The following RASGRF1 variants were observed in gnomAD, a reference collection of about 807,000 sequenced individuals.
RASGRF1 encodes the protein ras-specific guanine nucleotide-releasing factor 1.
RASGRF1 carries 40 observed loss-of-function variants against 138.7 expected under a neutral mutation model. The ratio of observed to expected loss-of-function variants is 0.29; its 90% CI spans 0.22 to 0.38. RASGRF1 has a LOEUF of 0.38. Among genes scored for constraint, RASGRF1 ranks in the 10% least tolerant of loss-of-function variants. The pLI is 1.00. For synonymous variants in RASGRF1, 614 were observed against 663.2 expected, an observed-to-expected ratio of 0.93 and a Z score of 1.14; for missense variants, 1,108 against 1,650.4, an observed-to-expected ratio of 0.67 and a Z score of 5.69.
In RASGRF1 at chr15:78,998,414, T is replaced by G. The variant is rs552536167; in HGVS notation, c.2854-206A>C. On this transcript the variant is annotated intron_variant, in intron 18 of 26. Transcript: ENST00000558480. ...CTTAGATAAAGGCACTGGAACCAGA[T>G]CAAAGCCCATCTTTCAGCTGGCTGC... 1.7e-4 allele frequency: 107 copies of G among 622,660 alleles called. 1 individual carries two copies. Among genetic ancestry groups the G allele is most frequent in the Admixed American group, 1.0e-3 (35 of 34,318 alleles). 38.6% of individuals were successfully genotyped at this position (622,660 alleles called of 1,614,324 possible). A position where few individuals can be genotyped will look rare whatever the true frequency, so the allele number is the denominator to read the frequency against.
At chr15:79,084,213 G>C (rs1295684217) in intron 1 of RASGRF1, among the ~76,000 whole-genome samples, 1 of 152,242 alleles carries the variant, frequency 6.6e-6, no homozygotes, top group Non-Finnish European at 1.5e-5. Flanking sequence ...CCCAGTGGGA[G>C]AGAAGGTTCA....
intron 10 of RASGRF1, among the ~76,000 whole-genome samples, chr15:79,023,292 T>C (rs1235178203): frequency 6.6e-6 from 1 of 152,140 alleles, no homozygotes; most frequent in Admixed American, 6.5e-5. Context: ...GCTTCCTAAT[T>C]GACAGCAAAT....
chr15:79,078,537 G>A (rs1566970551), intron 1 of RASGRF1, among the ~76,000 whole-genome samples: 1 of 152,132 alleles, frequency 6.6e-6, no homozygotes, highest in East Asian at 1.9e-4. Context: ...GCAGTCCACG[G>A]AGCAGGAAGT....
chr15:78,995,657 G>A, intron 20 of RASGRF1, 83 bp downstream of exon 20: 1 of 1,471,646 alleles, frequency 6.8e-7, no homozygotes, highest in Non-Finnish European at 9.5e-7. Flanking sequence ...ATGAATACGG[G>A]TGATGCCTGT....
rs2055912491 is a variant in RASGRF1 at position 78,978,195 on chromosome 15, C to A, written c.3494+2425G>T. On this transcript the variant is annotated intron_variant, in intron 24 of 26. Transcript: ENST00000558480. ...TGCTGGCAGAAATTGGATATTTTTT[C>A]TTCTTTTTCTTTTTCTTTTCTTTTG... 2.8e-5 allele frequency among the ~76,000 whole-genome samples: 4 copies of A among 143,734 alleles called. No individual in the cohort carries two copies. The South Asian group carries it at 8.6e-4, about 31-fold the overall frequency. 94.3% of individuals were successfully genotyped at this position (143,734 alleles called of 152,430 possible).
intron 20 of RASGRF1, among the ~76,000 whole-genome samples, chr15:78,992,049 C>T (rs893647682): frequency 6.6e-6 from 1 of 152,200 alleles, no homozygotes; most frequent in Non-Finnish European, 1.5e-5. Flanking sequence ...CCCTCACCCA[C>T]CCTGCCAGGG....
In RASGRF1 at chr15:79,046,281, T is replaced by C. The variant is rs912988581; in HGVS notation, c.878+465A>G. Among the ~76,000 whole-genome samples the C allele has an allele frequency of 1.3e-5, 2 of 152,256 alleles. No homozygotes were observed. Among genetic ancestry groups the C allele is most frequent in the Non-Finnish European group, 2.9e-5 (2 of 68,048 alleles). ...GGTACTTTAGTTTACGTTTTGTAGC[T>C]TGATTTATAACTCTTAAACATTTAA... On this transcript the variant is annotated intron_variant, in intron 5 of 26. Coordinates refer to ENST00000558480, the MANE Select transcript of RASGRF1 (RefSeq NM_001145648.3). The surrounding 1 kb of genome is among the most constrained non-coding windows in gnomAD (Gnocchi z 5.3).
intron 24 of RASGRF1, among the ~76,000 whole-genome samples, chr15:78,974,602 G>A (rs1252804205): frequency 6.6e-6 from 1 of 152,210 alleles, no homozygotes; most frequent in Non-Finnish European, 1.5e-5. Flanking sequence ...ATGAATTCAC[G>A]TGGTAAGAAA....
At chr15:79,071,526 ATT>A (rs60329515) in intron 1 of RASGRF1, among the ~76,000 whole-genome samples, 7 of 141,244 alleles carry the variant, frequency 5.0e-5, no homozygotes, top group South Asian at 2.3e-4. Context: ...TGCCCGGCTA[ATT>A]TTTTTTTTTT....
At chr15:78,980,501 AGACAGAC>A in intron 24 of RASGRF1, 112 bp downstream of exon 24, 1 of 718,740 alleles carries the variant, frequency 1.4e-6, no homozygotes, top group Non-Finnish European at 2.3e-6. Context: ...TCTTGTGGGT[AGACAGAC>A]GAACAGACAG....
At chr15:79,037,752 C>T in intron 5 of RASGRF1, among the ~76,000 whole-genome samples, 1 of 152,116 alleles carries the variant, frequency 6.6e-6, no homozygotes, top group Non-Finnish European at 1.5e-5. Context: ...AGCCACCATG[C>T]CTGGCCTATT....
At chr15:79,039,562 A>G (rs1429637657) in intron 5 of RASGRF1, among the ~76,000 whole-genome samples, 2 of 152,140 alleles carry the variant, frequency 1.3e-5, no homozygotes, top group Admixed American at 1.3e-4. Context: ...TTTGATTGGT[A>G]TTACATTAAA....
At chr15:78,974,771 C>CAGAGTATTTGGCTCAGAATCAG (rs1334884434) in intron 24 of RASGRF1, among the ~76,000 whole-genome samples, 1 of 152,194 alleles carries the variant, frequency 6.6e-6, no homozygotes, top group East Asian at 1.9e-4. Flanking sequence ...TGGCAAACAT[C>CAGAGTATTTGGCTCAGAATCAG]AGTATTTGGC....
intron 3 of RASGRF1, among the ~76,000 whole-genome samples, chr15:79,051,262 G>A (rs1054563534): frequency 6.6e-6 from 1 of 152,182 alleles, no homozygotes; most frequent in South Asian, 2.1e-4. Flanking sequence ...ACAGTTACCC[G>A]CTCTCCACTC....
In RASGRF1 at chr15:78,963,509, C is replaced by G. The variant is rs552078767; in HGVS notation, c.3682-1273G>C. Among the ~76,000 whole-genome samples the G allele has an allele frequency of 2.0e-5, 3 of 152,206 alleles. No individual in the cohort carries two copies. In the South Asian group the frequency reaches 6.2e-4, roughly 32 times the overall value. ...TAGAGACAGGGTTTTGCCATGTTGG[C>G]CAGGCTGGTCTTGAATTCCTGGCCT... On this transcript the variant is annotated intron_variant, in intron 26 of 26. Transcript: ENST00000558480.
intron 26 of RASGRF1, among the ~76,000 whole-genome samples, chr15:78,967,792 G>A: frequency 6.6e-6 from 1 of 151,860 alleles, no homozygotes; most frequent in Non-Finnish European, 1.5e-5. Flanking sequence ...TCCTTTTTCT[G>A]AGGGCTGAAC....
At chr15:79,090,178 C>T (rs2058035398) in intron 1 of RASGRF1, 45 bp downstream of exon 1, 1 of 1,536,416 alleles carries the variant, frequency 6.5e-7, no homozygotes, top group South Asian at 1.2e-5. Context: ...GCCCCCAGGG[C>T]CGCGGCCGGG....
chr15:79,051,828 G>A (rs1315247481), intron 3 of RASGRF1, among the ~76,000 whole-genome samples: 1 of 152,166 alleles, frequency 6.6e-6, no homozygotes, highest in Non-Finnish European at 1.5e-5. Flanking sequence ...GCAAGCCTGG[G>A]GACTGCAAAA....
At chr15:78,984,115 T>C (rs1252520593) in intron 23 of RASGRF1, among the ~76,000 whole-genome samples, 1 of 151,986 alleles carries the variant, frequency 6.6e-6, no homozygotes, top group Non-Finnish European at 1.5e-5. Flanking sequence ...AAGAGAACAA[T>C]GAGGGGGACA....
Sources: gnomAD v4.1 joint callset for allele counts (sites outside exome capture counted in the v4.1 genomes callset) on GRCh38, gnomAD v4.1.1 for gene constraint, Gnocchi (gnomAD v3.1) non-coding constraint, MANE v1.5 for transcripts, NCBI Gene and HGNC (gene_info 2026-07-23, HGNC 2026-07-21) for gene names.